ANKRD27: variants seen among roughly 807,000 people sequenced by gnomAD.
ANKRD27 encodes ankyrin repeat domain-containing protein 27.
Under a neutral mutation model 129.7 loss-of-function variants are expected in ANKRD27, and 112 were observed. That is an observed-to-expected ratio of 0.86 (90% confidence interval 0.74 to 1.01). The LOEUF is 1.01. Ranked by LOEUF, ANKRD27 falls within the 50% of genes least tolerant of loss-of-function variation. The pLI is 0.00. For synonymous variants in ANKRD27, 516 were observed against 511.2 expected (o/e 1.01, Z -0.13); for missense variants, 1,258 against 1,300.5 (o/e 0.97, Z 0.50).
intron 16 of ANKRD27, 56 bp from the exon 17 acceptor site, chr19:32,626,022 G>A (rs935327308): frequency 6.9e-6 from 10 of 1,456,660 alleles, no homozygotes; most frequent in Admixed American, 4.8e-5. Context: ...TGGGAGGCCC[G>A]GCCTCCAGTC....
intron 13 of ANKRD27, among the ~76,000 whole-genome samples, chr19:32,629,358 A>T (rs564653401): frequency 5.3e-5 from 8 of 152,252 alleles, no homozygotes; most frequent in Admixed American, 1.3e-4. Context: ...TGGCCGGCTC[A>T]TTCTACTACT....
intron 12 of ANKRD27, among the ~76,000 whole-genome samples, chr19:32,636,666 C>G (rs886927727): frequency 9.3e-5 from 14 of 151,078 alleles, no homozygotes; most frequent in Non-Finnish European, 1.2e-4. Context: ...TATTAGTCTT[C>G]TAATTAGGAA....
chr19:32,622,389 G>A (rs2302969), intron 18 of ANKRD27, 33 bp downstream of exon 18: 130,658 of 1,608,968 alleles, frequency 0.081, 8,751 homozygotes, highest in African/African-American at 0.33. Flanking sequence ...TTCTTTCGAA[G>A]TCATCTTGCC....
At chr19:32,617,388 T>G (rs1020607270) in intron 21 of ANKRD27, among the ~76,000 whole-genome samples, 1 of 152,054 alleles carries the variant, frequency 6.6e-6, no homozygotes, top group South Asian at 2.1e-4. Flanking sequence ...TACAAAAAAT[T>G]TGTTTATGAT....
intron 12 of ANKRD27, among the ~76,000 whole-genome samples, chr19:32,632,893 G>GGGGTCCTCTGCCATGCA (rs1437204881): frequency 3.9e-5 from 6 of 152,130 alleles, no homozygotes; most frequent in African/African-American, 1.4e-4. Flanking sequence ...GGCCATTCCT[G>GGGGTCCTCTGCCATGCA]GGGTCCTCTG....
intron 2 of ANKRD27, among the ~76,000 whole-genome samples, chr19:32,652,037 G>C (rs573802220): frequency 6.6e-6 from 1 of 152,316 alleles, no homozygotes; most frequent in African/African-American, 2.4e-5. Context: ...CAGCAATCCT[G>C]CTGAGACCGG....
intron 22 of ANKRD27, among the ~76,000 whole-genome samples, chr19:32,609,800 A>G (rs1199526878): frequency 6.6e-6 from 1 of 150,508 alleles, no homozygotes; most frequent in Admixed American, 6.7e-5. Context: ...CTTTAAATAC[A>G]TATGCTTTAT....
chr19:32,648,543 G>A (rs1967346666), intron 3 of ANKRD27, among the ~76,000 whole-genome samples: 1 of 152,230 alleles, frequency 6.6e-6, no homozygotes, highest in South Asian at 2.1e-4. Flanking sequence ...GCGCACGCCT[G>A]TAATCCCAGC....
chr19:32,631,778 C>T (rs1387079612), intron 12 of ANKRD27, among the ~76,000 whole-genome samples: 1 of 152,182 alleles, frequency 6.6e-6, no homozygotes, highest in African/African-American at 2.4e-5. Flanking sequence ...GCGTGGAATG[C>T]GGCGCACACA....
chr19:32,646,444 T>C lies in ANKRD27; in HGVS notation c.370+15A>G. On this transcript the variant is annotated intron_variant, in intron 4 of 28. Transcript: ENST00000306065. ...TTTCTAAAACAGGAGAAAAAGGTTT[T>C]TTCTCCCAGAATACCTGAACTCTCT... is the stretch of plus-strand genomic sequence containing the variant. 6.3e-7 allele frequency: 1 copy of C among 1,586,774 alleles called. No individual in the cohort carries two copies.
In ANKRD27 at chr19:32,665,878, C is replaced by T. The variant is rs539063249; in HGVS notation, c.-30-6833G>A. On this transcript the variant is annotated intron_variant, in intron 1 of 28. Transcript: ENST00000306065. ...CTGGGTTCAAGCAATTCTCGTACCT[C>T]GGCCTCCCAAGTAGCTCAGACTACA... Among the ~76,000 whole-genome samples the T allele has an allele frequency of 3.3e-5, 5 of 151,800 alleles. No homozygotes were observed. The South Asian group carries it at 6.3e-4, about 19-fold the overall frequency.
At chr19:32,612,758 A>G (rs1971853333) in intron 22 of ANKRD27, among the ~76,000 whole-genome samples, 1 of 152,252 alleles carries the variant, frequency 6.6e-6, no homozygotes. Flanking sequence ...GAAAAAACAA[A>G]GAAGAACCTC....
chr19:32,668,156 C>T (rs767310650), intron 1 of ANKRD27, among the ~76,000 whole-genome samples: 2 of 152,028 alleles, frequency 1.3e-5, no homozygotes, highest in African/African-American at 4.8e-5. Context: ...TACTTACTTA[C>T]CTTCATTTAT....
At chr19:32,617,836 C>CT (rs1971944388) in intron 20 of ANKRD27, among the ~76,000 whole-genome samples, 1 of 151,134 alleles carries the variant, frequency 6.6e-6, no homozygotes. Flanking sequence ...CTCACCGCAA[C>CT]CTCCGCCTCC....
chr19:32,642,614 T>C (rs1224718844), intron 9 of ANKRD27, among the ~76,000 whole-genome samples: 1 of 152,102 alleles, frequency 6.6e-6, no homozygotes, highest in African/African-American at 2.4e-5. Flanking sequence ...AGTGTGCACC[T>C]GTAATCCCGC....
intron 10 of ANKRD27, among the ~76,000 whole-genome samples, chr19:32,640,981 C>T (rs1967189227): frequency 6.6e-6 from 1 of 152,124 alleles, no homozygotes. Context: ...TCACTGCAAG[C>T]TCCGCCTCCC....
rs368132699 is a variant in ANKRD27 at position 32,619,428 on chromosome 19, G to A, written c.1888-49C>T. The A allele has an allele frequency of 1.5e-5, 24 of 1,613,890 alleles. No individual in the cohort carries two copies. The African/African-American group carries it at 2.9e-4, about 20-fold the overall frequency. On this transcript the variant is annotated intron_variant, in intron 19 of 28. Coordinates refer to ENST00000306065, the MANE Select transcript of ANKRD27 (RefSeq NM_032139.3). Reference sequence around the variant, plus strand: ...GAGAGAGGACAGGACACAAGGACACGTGAGGACCAGAGAAGGCGCCCTTGG... The same window carrying A: ...GAGAGAGGACAGGACACAAGGACACATGAGGACCAGAGAAGGCGCCCTTGG...
intron 2 of ANKRD27, among the ~76,000 whole-genome samples, chr19:32,656,353 C>T (rs887169274): frequency 2.0e-5 from 3 of 152,194 alleles, no homozygotes; most frequent in Admixed American, 6.5e-5. Context: ...TCCCGCAGTA[C>T]GGCCAGGCCC....
chr19:32,673,144 G>A (rs549788078), intron 1 of ANKRD27: 11 of 206,456 alleles, frequency 5.3e-5, no homozygotes, highest in African/African-American at 2.1e-4. Flanking sequence ...CCTAACCCCC[G>A]GCCCTCTGCA....
Sources: allele counts gnomAD v4.1 joint callset (sites outside exome capture counted in the v4.1 genomes callset), GRCh38; gene constraint gnomAD v4.1.1; transcripts MANE v1.5; gene names NCBI Gene and HGNC (gene_info 2026-07-23, HGNC 2026-07-21).